The following DMD variants were observed in gnomAD, a reference collection of about 807,000 sequenced individuals.
The protein encoded by DMD is mutant dystrophin.
Under a neutral mutation model 330.1 loss-of-function variants are expected in DMD, and 63 were observed. That is an observed-to-expected ratio of 0.19 (90% CI 0.16 to 0.24). The LOEUF (loss-of-function observed/expected upper bound fraction) is 0.24, where lower values mean the gene tolerates loss of function less well. Among genes scored for constraint, DMD ranks in the 10% least tolerant of loss-of-function variants. The pLI is 1.00. For synonymous variants in DMD, 1,223 were observed against 959.8 expected, an observed-to-expected ratio of 1.27 and a Z score of -5.07; for missense variants, 3,344 against 2,684.1, an observed-to-expected ratio of 1.25 and a Z score of -5.43.
chrX:31,721,684 CACTCTCTCTCTCT>C (rs2085510350), intron 52 of DMD, among the ~76,000 whole-genome samples: 41 of 68,518 alleles, frequency 6.0e-4, no homozygotes, highest in African/African-American at 1.8e-3. Context: ...CTCTCTCTCT[CACTCTCTCTCTCT>C]CTCTCTCTCT....
chrX:32,342,326 C>G, intron 40 of DMD, 44 bp from the exon 41 acceptor site: 1 of 1,175,073 alleles, frequency 8.5e-7, no homozygotes, highest in Non-Finnish European at 1.2e-6. Context: ...GTTAGCTAAC[C>G]ACATCAACCG....
At chrX:32,746,814 G>C (rs949171586) in intron 7 of DMD, among the ~76,000 whole-genome samples, 5 of 111,003 alleles carry the variant, frequency 4.5e-5, no homozygotes, top group Admixed American at 2.9e-4. Context: ...GTCCTATTTA[G>C]CTTATCATTT....
intron 29 of DMD, among the ~76,000 whole-genome samples, chrX:32,412,887 T>C (rs2098149373): frequency 9.0e-6 from 1 of 111,078 alleles, no homozygotes; most frequent in Admixed American, 9.6e-5. Flanking sequence ...TACTATACTT[T>C]TTAAGCTTTA....
At chrX:31,207,692 G>A (rs765863537) in intron 65 of DMD, among the ~76,000 whole-genome samples, 10 of 111,937 alleles carry the variant, frequency 8.9e-5, no homozygotes, top group African/African-American at 2.6e-4. Context: ...ACGAACACAA[G>A]GGAACAACAG....
At chrX:33,171,519 T>C (rs1414345902) in intron 1 of DMD, among the ~76,000 whole-genome samples, 4 of 111,411 alleles carry the variant, frequency 3.6e-5, no homozygotes, top group African/African-American at 1.3e-4. Context: ...TGCAGTCTAT[T>C]GTATTGTCCT....
intron 61 of DMD, among the ~76,000 whole-genome samples, chrX:31,334,657 G>A (rs2057328263): frequency 8.9e-6 from 1 of 111,927 alleles, no homozygotes; most frequent in African/African-American, 3.2e-5. Flanking sequence ...AATACTACAG[G>A]CACAGTAAGT....
At chrX:31,241,024 T>G (rs2048216892) in intron 63 of DMD, among the ~76,000 whole-genome samples, 1 of 111,458 alleles carries the variant, frequency 9.0e-6, no homozygotes, top group Non-Finnish European at 1.9e-5. Flanking sequence ...ATAGTGTATC[T>G]CAAAAGCTCC....
At chrX:32,561,688 A>C (rs2051029373) in intron 16 of DMD, among the ~76,000 whole-genome samples, 1 of 111,500 alleles carries the variant, frequency 9.0e-6, no homozygotes, top group Admixed American at 9.6e-5. Context: ...CCCAACATTC[A>C]AATTCAGGGA....
intron 33 of DMD, among the ~76,000 whole-genome samples, chrX:32,383,777 G>C (rs2097940479): frequency 9.1e-6 from 1 of 110,191 alleles, no homozygotes; most frequent in African/African-American, 3.3e-5. Context: ...ATCATTACGA[G>C]AATCATTCAT....
At chrX:32,052,484 C>T (rs950681732) in intron 44 of DMD, among the ~76,000 whole-genome samples, 1 of 111,115 alleles carries the variant, frequency 9.0e-6, no homozygotes, top group Non-Finnish European at 1.9e-5. Context: ...TTGTATTTTT[C>T]TTTAATTTCC....
chrX:31,140,614 A>G (rs755058533), intron 76 of DMD, among the ~76,000 whole-genome samples: 17 of 112,482 alleles, frequency 1.5e-4, no homozygotes, highest in Non-Finnish European at 2.8e-4. Context: ...TTAACATATT[A>G]TGGTGTACAA....
intron 44 of DMD, among the ~76,000 whole-genome samples, chrX:32,034,044 C>T (rs746842633): frequency 9.0e-6 from 1 of 111,380 alleles, no homozygotes; most frequent in South Asian, 3.8e-4. Flanking sequence ...CTGGGATGCT[C>T]TCCGAAGGCA....
At chrX:31,220,988 T>C (rs12843304) in intron 64 of DMD, among the ~76,000 whole-genome samples, 1,340 of 100,655 alleles carry the variant, frequency 0.013, 29 homozygotes, top group African/African-American at 0.046. Flanking sequence ...TCTTCCACTG[T>C]GGCCCGGAGA....
chrX:32,906,381 A>G (rs999449218), intron 2 of DMD, among the ~76,000 whole-genome samples: 1 of 112,102 alleles, frequency 8.9e-6, no homozygotes, highest in Non-Finnish European at 1.9e-5. Flanking sequence ...TGCTTCCTGA[A>G]CAGCCTGCAG....
At chrX:32,892,134 C>T (rs1020500419) in intron 2 of DMD, among the ~76,000 whole-genome samples, 3 of 112,148 alleles carry the variant, frequency 2.7e-5, no homozygotes, top group Admixed American at 9.4e-5. Context: ...TTACATTTTA[C>T]CTACAATTTG....
intron 18 of DMD, 117 bp from the exon 19 acceptor site, chrX:32,501,959 C>A (rs764481488): frequency 5.4e-6 from 3 of 550,925 alleles, no homozygotes; most frequent in Non-Finnish European, 9.2e-6. Context: ...CAGCTTATCA[C>A]GTGAATCTAA....
At chrX:31,513,085 C>T (rs1224605416) in intron 55 of DMD, among the ~76,000 whole-genome samples, 1 of 97,499 alleles carries the variant, frequency 1.0e-5, no homozygotes, top group Admixed American at 1.2e-4. Context: ...GTATTTTATT[C>T]TCTTTGAAGC....
intron 1 of DMD, among the ~76,000 whole-genome samples, chrX:33,261,924 AACCACCACCACC>A (rs747997803): frequency 1.1e-4 from 11 of 100,877 alleles, no homozygotes; most frequent in African/African-American, 2.0e-4. Flanking sequence ...AAAGGCAGAA[AACCACCACCACC>A]ACCACCACCA....
intron 1 of DMD, among the ~76,000 whole-genome samples, chrX:33,021,548 C>A (rs1428725075): frequency 9.0e-6 from 1 of 111,262 alleles, no homozygotes; most frequent in East Asian, 2.8e-4. Context: ...AGTAGTAAAT[C>A]TCCGTTGCTT....
Sources: allele counts gnomAD v4.1 joint callset (sites outside exome capture counted in the v4.1 genomes callset), GRCh38; gene constraint gnomAD v4.1.1; transcripts MANE v1.5; gene names NCBI Gene and HGNC (gene_info 2026-07-23, HGNC 2026-07-21).